QTMAN: variants seen among roughly 807,000 people sequenced by gnomAD.
The protein encoded by QTMAN is queuosine-tRNA mannosyltransferase.
At chr2:143,959,328 G>C in the QTMAN span, among the ~76,000 whole-genome samples, 1 of 145,310 alleles carries the variant, frequency 6.9e-6, no homozygotes, top group African/African-American at 2.5e-5. Flanking sequence ...ATGTACTGTG[G>C]AAAAAAAAAA....
chr2:144,310,068 C>T, the QTMAN span, among the ~76,000 whole-genome samples: 1 of 152,216 alleles, frequency 6.6e-6, no homozygotes, highest in East Asian at 1.9e-4. Context: ...TGGCAAAGAG[C>T]AAATGAGAAA....
the QTMAN span, among the ~76,000 whole-genome samples, chr2:144,105,632 T>C: frequency 6.6e-6 from 1 of 152,172 alleles, no homozygotes; most frequent in Non-Finnish European, 1.5e-5. Flanking sequence ...ATCTGATTGG[T>C]GTACCTGGAA....
At chr2:144,044,999 C>A in the QTMAN span, among the ~76,000 whole-genome samples, 78 of 152,332 alleles carry the variant, frequency 5.1e-4, no homozygotes, top group African/African-American at 1.9e-3. Context: ...ATGTATGAGA[C>A]AGCAACTGTG....
chr2:144,043,206 C>A, the QTMAN span, among the ~76,000 whole-genome samples: 1 of 148,542 alleles, frequency 6.7e-6, no homozygotes, highest in African/African-American at 2.6e-5. Flanking sequence ...TTACAGCAGA[C>A]GAATATGTAT....
the QTMAN span, among the ~76,000 whole-genome samples, chr2:143,986,341 G>A: frequency 1.3e-5 from 2 of 152,318 alleles, no homozygotes; most frequent in East Asian, 1.9e-4. Flanking sequence ...GGAGAGCTGA[G>A]CACCTCATGT....
chr2:144,063,829 A>G, the QTMAN span, among the ~76,000 whole-genome samples: 1 of 152,190 alleles, frequency 6.6e-6, no homozygotes, highest in South Asian at 2.1e-4. Context: ...GTGCCATGAA[A>G]ATTAGCATCT....
the QTMAN span, among the ~76,000 whole-genome samples, chr2:144,114,756 C>A: frequency 5.3e-5 from 8 of 152,058 alleles, no homozygotes; most frequent in African/African-American, 1.9e-4. Flanking sequence ...CTTAAATATC[C>A]TTCTGAGATA....
the QTMAN span, among the ~76,000 whole-genome samples, chr2:144,123,746 T>C: frequency 6.6e-6 from 1 of 152,122 alleles, no homozygotes. Flanking sequence ...TCAGTCCTTG[T>C]CTTTTTAATC....
the QTMAN span, among the ~76,000 whole-genome samples, chr2:144,033,982 T>C: frequency 2.0e-5 from 3 of 152,166 alleles, no homozygotes; most frequent in Non-Finnish European, 4.4e-5. Flanking sequence ...TGCAGCAATG[T>C]GGGTGCAGAA....
the QTMAN span, chr2:144,237,263 T>C: frequency 6.6e-6 from 1 of 152,076 alleles, no homozygotes; most frequent in East Asian, 1.9e-4. Flanking sequence ...CACAGAAATC[T>C]TCACTCCAAT....
At chr2:144,183,905 C>T in the QTMAN span, among the ~76,000 whole-genome samples, 1 of 152,084 alleles carries the variant, frequency 6.6e-6, no homozygotes, top group Non-Finnish European at 1.5e-5. Context: ...TCATACGTGG[C>T]GCTTAGAGCT....
the QTMAN span, among the ~76,000 whole-genome samples, chr2:144,048,039 AT>A: frequency 6.6e-6 from 1 of 152,366 alleles, no homozygotes; most frequent in South Asian, 2.1e-4. Context: ...TATTTCTCAC[AT>A]TGGTTTGAAA....
the QTMAN span, among the ~76,000 whole-genome samples, chr2:144,084,133 A>G: frequency 2.0e-5 from 3 of 152,214 alleles, no homozygotes; most frequent in Non-Finnish European, 2.9e-5. Flanking sequence ...CTGACCTCAA[A>G]GCCAACTTAT....
At chr2:143,998,198 T>C in the QTMAN span, among the ~76,000 whole-genome samples, 4 of 151,888 alleles carry the variant, frequency 2.6e-5, no homozygotes, top group African/African-American at 9.7e-5. Flanking sequence ...CAGAAACATA[T>C]CTAAATTAAT....
At chr2:144,042,761 C>A in the QTMAN span, among the ~76,000 whole-genome samples, 1 of 124,034 alleles carries the variant, frequency 8.1e-6, no homozygotes, top group Non-Finnish European at 1.6e-5. Context: ...GAGACTCTGT[C>A]TCAAAAAAAA....
At chr2:143,982,497 AG>A in the QTMAN span, among the ~76,000 whole-genome samples, 6 of 151,746 alleles carry the variant, frequency 4.0e-5, no homozygotes, top group Non-Finnish European at 5.9e-5. Flanking sequence ...GGCCTCCCAA[AG>A]TGCTGGGATT....
the QTMAN span, among the ~76,000 whole-genome samples, chr2:144,241,158 A>G: frequency 6.6e-6 from 1 of 152,220 alleles, no homozygotes; most frequent in African/African-American, 2.4e-5. Context: ...CAGCAACAGG[A>G]AACATGTTTG....
chr2:144,063,560 T>C, the QTMAN span, among the ~76,000 whole-genome samples: 1 of 152,222 alleles, frequency 6.6e-6, no homozygotes, highest in Non-Finnish European at 1.5e-5. Context: ...ACAATTTATG[T>C]TGCTTAAAAA....
At chr2:143,970,539 G>T in the QTMAN span, 1 of 702,636 alleles carries the variant, frequency 1.4e-6, no homozygotes, top group Non-Finnish European at 2.6e-6. Context: ...TAATCTTTTG[G>T]TTAACAGTGC....
Sources: allele counts gnomAD v4.1 joint callset (sites outside exome capture counted in the v4.1 genomes callset), GRCh38; gene constraint gnomAD v4.1.1; transcripts MANE v1.5; gene names NCBI Gene and HGNC (gene_info 2026-07-23, HGNC 2026-07-21).